The following RGMA variants were observed in gnomAD, a reference collection of about 807,000 sequenced individuals.
The protein encoded by RGMA is repulsive guidance molecule A.
RGMA carries 10 observed loss-of-function variants against 23.2 expected under a neutral mutation model. The observed-to-expected ratio is 0.43, with a 90% CI of 0.27 to 0.73. RGMA has a LOEUF of 0.73. Among genes scored for constraint, RGMA ranks in the 30% least tolerant of loss-of-function variants. The pLI, the probability that RGMA is intolerant of heterozygous loss-of-function variation, is 0.20. For synonymous variants in RGMA, 308 were observed against 279.3 expected (o/e 1.10, Z -1.03); for missense variants, 547 against 630.5 (o/e 0.87, Z 1.42).
intron 1 of RGMA, chr15:93,073,802 G>A (rs1220867906): frequency 6.5e-7 from 1 of 1,532,992 alleles, no homozygotes; most frequent in South Asian, 1.2e-5. Context: ...CAAGCACCTC[G>A]CTGCTTCCTG....
intron 2 of RGMA, among the ~76,000 whole-genome samples, chr15:93,053,955 T>C (rs1477820618): frequency 1.3e-5 from 2 of 152,172 alleles, no homozygotes; most frequent in African/African-American, 2.4e-5. Context: ...TTGCTGGGTA[T>C]GGCAGCTCAC....
chr15:93,073,165 T>G, intron 1 of RGMA, 134 bp from the exon 2 acceptor site: 2 of 1,184,790 alleles, frequency 1.7e-6, no homozygotes, highest in Admixed American at 4.8e-5. Flanking sequence ...GCGCTCCCCT[T>G]CCCGCGCCGC....
chr15:93,051,868 G>A (rs1327058195), intron 3 of RGMA, 125 bp downstream of exon 3: 47 of 1,031,142 alleles, frequency 4.6e-5, no homozygotes, highest in East Asian at 2.4e-4. Context: ...GGGTGCTCCT[G>A]TGTCCCCGCT....
chr15:93,048,045 C>G (rs1314214349), intron 3 of RGMA, among the ~76,000 whole-genome samples: 4 of 152,112 alleles, frequency 2.6e-5, no homozygotes, highest in African/African-American at 4.8e-5. Context: ...TTGGGGCGGG[C>G]TGGCCCAGGG....
chr15:93,059,606 T>C (rs2055069878), intron 2 of RGMA, among the ~76,000 whole-genome samples: 1 of 152,188 alleles, frequency 6.6e-6, no homozygotes, highest in Non-Finnish European at 1.5e-5. Context: ...AATGTGTGTG[T>C]GTGGCCTCAT....
chr15:93,045,039 C>G lies in RGMA; in HGVS notation c.1312G>C (p.Ala438Pro), dbSNP rs759625610. The G allele has an allele frequency of 1.1e-5, 18 of 1,594,492 alleles. No individual in the cohort carries two copies. Among genetic ancestry groups the G allele is most frequent in the Non-Finnish European group, 1.5e-5 (17 of 1,170,844 alleles). Residue 438 changes from alanine (A) to proline (P), a missense_variant, in exon 4 of 4, where the codon GCC (alanine) becomes CCC (proline). Around this residue, in one of 3 missense-constraint regions of RGMA, gnomAD observed 205 missense variants for 204.1 expected, o/e 1.00. Transcript: ENST00000329082. This position sits in a 1 kb window ranked among gnomAD's most constrained non-coding sequence, Gnocchi z 6.9. ...LPLAPRPLLG[A>P]LVPLLALLPV... ...AGCAGGGCCAGGAGCGGGACGAGGGCGCCCAGGAGGGGCCGGGGGGCCAGG... is the reference window on the plus strand; with the variant it reads ...AGCAGGGCCAGGAGCGGGACGAGGGGGCCCAGGAGGGGCCGGGGGGCCAGG...
In RGMA at chr15:93,043,255, C is replaced by CGCACACACACAGGCAT. The variant is rs2054750918; in HGVS notation, c.*1727_*1742dup. On this transcript the variant is annotated 3_prime_UTR_variant, in exon 4 of 4. Coordinates refer to ENST00000329082, the MANE Select transcript of RGMA (RefSeq NM_020211.3). ...ATGCGTACATGCACGCACACAGGCA[C>CGCACACACACAGGCAT]GCACACACACAGGCATGCATACACA... The CGCACACACACAGGCAT allele has an allele frequency of 7.2e-6, 1 of 138,098 alleles. No homozygotes were observed. Among genetic ancestry groups the CGCACACACACAGGCAT allele is most frequent in the African/African-American group, 2.5e-5 (1 of 40,048 alleles). The allele number at this position is 138,098 out of a possible 1,614,324, so 8.6% of individuals were successfully genotyped here. A position where few individuals can be genotyped will look rare whatever the true frequency, so the allele number is the denominator to read the frequency against.
Position 93,036,649 on chromosome 15 carries a change from C to G in RGMA, c.*8349G>C, listed in dbSNP as rs1293745471. ...CCTCTGCTCACCCCAGAACCAGAGC[C>G]CTGGTTTGACTCCGCCCCTGCTGTG... is the stretch of plus-strand genomic sequence containing the variant. On this transcript the variant is annotated 3_prime_UTR_variant, in exon 4 of 4. Transcript: ENST00000329082. 1 of 152,316 alleles carries G rather than the reference C, an allele frequency of 6.6e-6. No individual in the cohort carries two copies. Among genetic ancestry groups the G allele is most frequent in the Non-Finnish European group, 1.5e-5 (1 of 68,110 alleles). The allele number at this position is 152,316 out of a possible 1,614,324, so 9.4% of individuals were successfully genotyped here. A position where few individuals can be genotyped will look rare whatever the true frequency, so the allele number is the denominator to read the frequency against.
Position 93,048,102 on chromosome 15 carries a change from G to A in RGMA, c.646-2397C>T, listed in dbSNP as rs549839064. Among the ~76,000 whole-genome samples, 14 of 152,284 alleles carry A rather than the reference G, an allele frequency of 9.2e-5. No homozygotes were observed. The South Asian group carries it at 2.7e-3, about 29-fold the overall frequency. On this transcript the variant is annotated intron_variant, in intron 3 of 3. Transcript: ENST00000329082. ...CTAAGAGGCCTGAGGCCTGGAAAGG[G>A]GTTCCAGAACCTTCTAGGTAATACA... is the stretch of plus-strand genomic sequence containing the variant.
intron 1 of RGMA, among the ~76,000 whole-genome samples, chr15:93,075,571 A>AT (rs34051145): frequency 0.059 from 8,716 of 148,470 alleles, 355 homozygotes; most frequent in Middle Eastern, 0.1. Context: ...AAGCCTGAGA[A>AT]TTTTTTTTTT....
intron 2 of RGMA, among the ~76,000 whole-genome samples, chr15:93,055,414 A>G (rs2054997524): frequency 1.3e-5 from 2 of 152,240 alleles, no homozygotes; most frequent in East Asian, 3.9e-4. Context: ...CAGGCGGTAC[A>G]GGCCTCCCCT....
intron 2 of RGMA, chr15:93,066,567 G>A (rs1895160711): frequency 2.1e-6 from 1 of 472,164 alleles, no homozygotes; most frequent in Non-Finnish European, 4.1e-6. Context: ...CTTCCCTGCG[G>A]GCACTGGTAC....
rs748623133 is a variant in RGMA at position 93,045,064 on chromosome 15, G to A, written c.1287C>T (p.Pro429=). The change falls in exon 4 of 4, where the codon CCC becomes CCT. Residue 429 remains proline (P), a synonymous_variant. Transcript: ENST00000329082. This position sits in a 1 kb window ranked among gnomAD's most constrained non-coding sequence, Gnocchi z 6.9. ...DLPGRAAAGL[P]LAPRPLLGAL... is the part of the protein sequence containing the mutation. ...CGCCCAGGAGGGGCCGGGGGGCCAG[G>A]GGCAGCCCCGCAGCCGCCCTGCCTG... 18 of 1,573,318 alleles carry A rather than the reference G, an allele frequency of 1.1e-5. No homozygotes were observed. The highest frequency in any genetic ancestry group is 1.7e-4 in the Middle Eastern group (1 of 5,980).
rs1023091785 is a variant in RGMA, at chr15:93,035,721, T to C, written c.*9277A>G. 2.0e-5 allele frequency: 3 copies of C among 152,216 alleles called. No individual in the cohort carries two copies. The highest frequency in any genetic ancestry group is 4.4e-5 in the Non-Finnish European group (3 of 68,082). 9.4% of individuals were successfully genotyped at this position (152,216 alleles called of 1,614,324 possible). A position where few individuals can be genotyped will look rare whatever the true frequency, so the allele number is the denominator to read the frequency against. ...AGAGATGGGTCAAGGCGGGGATCAT[T>C]GTCAGAACTCAGATTCTAGCCCGAC... On this transcript the variant is annotated 3_prime_UTR_variant, in exon 4 of 4. Transcript: ENST00000329082.
chr15:93,052,247 G>C lies in RGMA; in HGVS notation c.391C>G (p.Pro131Ala). 1 of 1,606,272 alleles carries C rather than the reference G, an allele frequency of 6.2e-7. No homozygotes were observed. The highest frequency in any genetic ancestry group is 1.1e-5 in the South Asian group (1 of 90,994). Residue 131 changes from proline (P) to alanine (A), a missense_variant, in exon 3 of 4, where the codon CCG (proline) becomes GCG (alanine). Transcript: ENST00000329082. ...GAGCGCTCCTGGCTGTCTCCGGCCG[G>C]TGGGAGCGTGCGCAGGCGTGGCTGC... ...TSQPRLRTLP[P>A]AGDSQERSDS...
intron 1 of RGMA, 46 bp from the exon 2 acceptor site, chr15:93,073,077 G>C: frequency 1.3e-6 from 2 of 1,507,964 alleles, no homozygotes; most frequent in Middle Eastern, 1.7e-4. Flanking sequence ...ATCACGCTGC[G>C]AAGAAAGGGC....
rs1263879252 is a variant in RGMA, at chr15:93,045,384, G to C, written c.967C>G (p.Gln323Glu). ...YLCLRGCPLNQQIDFQAFHTN... is the reference protein window; with the variant it reads ...YLCLRGCPLNEQIDFQAFHTN... ...TGGAAGGCCTGGAAGTCGATCTGCTGGTTGAGGGGGCAGCCCCGCAGGCAG... is the reference window on the plus strand; with the variant it reads ...TGGAAGGCCTGGAAGTCGATCTGCTCGTTGAGGGGGCAGCCCCGCAGGCAG... The change falls in exon 4 of 4, where the codon CAG becomes GAG. Residue 323 changes from glutamine (Q) to glutamate (E), a missense_variant. Coordinates refer to ENST00000329082, the MANE Select transcript of RGMA (RefSeq NM_020211.3). The surrounding 1 kb of genome is among the most constrained non-coding windows in gnomAD (Gnocchi z 6.9). 6.2e-7 allele frequency: 1 copy of C among 1,613,028 alleles called. No homozygotes were observed. Among genetic ancestry groups the C allele is most frequent in the Non-Finnish European group, 8.5e-7 (1 of 1,179,844 alleles).
In RGMA at chr15:93,036,392, T is replaced by C. The variant is rs996408100; in HGVS notation, c.*8606A>G. On this transcript the variant is annotated 3_prime_UTR_variant, in exon 4 of 4. Coordinates refer to ENST00000329082, the MANE Select transcript of RGMA (RefSeq NM_020211.3). ...CTTGCCTTAAGGGATTAATCTGAGA[T>C]CATTAGCAGAGAAAGGGAAGGTCAA... is the stretch of plus-strand genomic sequence containing the variant. The C allele has an allele frequency of 6.6e-6, 1 of 152,114 alleles. No individual in the cohort carries two copies. Among genetic ancestry groups the C allele is most frequent in the African/African-American group, 2.4e-5 (1 of 41,378 alleles). 9.4% of individuals were successfully genotyped at this position (152,114 alleles called of 1,614,324 possible). A position where few individuals can be genotyped will look rare whatever the true frequency, so the allele number is the denominator to read the frequency against.
At chr15:93,052,845 C>T (rs1054419179) in intron 2 of RGMA, among the ~76,000 whole-genome samples, 1 of 152,226 alleles carries the variant, frequency 6.6e-6, no homozygotes, top group Admixed American at 6.5e-5. Context: ...CATCTATATA[C>T]ACTTTCATGG....
Sources: allele counts gnomAD v4.1 joint callset (sites outside exome capture counted in the v4.1 genomes callset), GRCh38; gene constraint gnomAD v4.1.1; regional missense constraint gnomAD v4.1.1; non-coding constraint Gnocchi (gnomAD v3.1); transcripts MANE v1.5; gene names NCBI Gene and HGNC (gene_info 2026-07-23, HGNC 2026-07-21).